Variants in AKT3 observed in about 807,000 individuals in gnomAD.
AKT3 encodes the protein AKT serine/threonine kinase 3, also known as RAC-gamma serine/threonine-protein kinase.
In AKT3, 15 loss-of-function variants were observed where a neutral mutation model predicts 65.3. The ratio of observed to expected loss-of-function variants is 0.23; its 90% CI spans 0.15 to 0.35. The LOEUF (loss-of-function observed/expected upper bound fraction) is 0.35. Ranked by LOEUF, AKT3 falls within the 10% of genes least tolerant of loss-of-function variation. AKT3 has a pLI of 1.00. For synonymous variants in AKT3, 206 were observed against 183.8 expected, an observed-to-expected ratio of 1.12 and a Z score of -0.98; for missense variants, 243 against 576.5, an observed-to-expected ratio of 0.42 and a Z score of 5.92.
chr1:243,612,074 G>T (rs1677911720), intron 8 of AKT3, among the ~76,000 whole-genome samples: 1 of 151,636 alleles, frequency 6.6e-6, no homozygotes, highest in Non-Finnish European at 1.5e-5. Context: ...CTCAAAATGT[G>T]TTTACCAAAT....
At chr1:243,728,539 T>A (rs1370560215) in intron 2 of AKT3, among the ~76,000 whole-genome samples, 1 of 152,188 alleles carries the variant, frequency 6.6e-6, no homozygotes, top group Non-Finnish European at 1.5e-5. Context: ...CAATTGTGAA[T>A]TTAGATCATA....
At chr1:243,559,477 T>C (rs1673623880) in intron 10 of AKT3, among the ~76,000 whole-genome samples, 1 of 152,178 alleles carries the variant, frequency 6.6e-6, no homozygotes, top group Non-Finnish European at 1.5e-5. Context: ...ATATTTATAC[T>C]GTAAGTTTTA....
chr1:243,643,140 GATC>G (rs2147835961), intron 5 of AKT3, among the ~76,000 whole-genome samples: 1 of 152,276 alleles, frequency 6.6e-6, no homozygotes. Flanking sequence ...TGCAGTGTGA[GATC>G]ATGAGATTTC....
chr1:243,715,966 A>G (rs1438971308), intron 2 of AKT3, among the ~76,000 whole-genome samples: 1 of 152,136 alleles, frequency 6.6e-6, no homozygotes, highest in East Asian at 1.9e-4. Context: ...TTGTTACACC[A>G]TTTGATCAAA....
intron 8 of AKT3, among the ~76,000 whole-genome samples, chr1:243,576,963 C>T (rs530463769): frequency 5.9e-5 from 9 of 152,310 alleles, no homozygotes; most frequent in African/African-American, 1.9e-4. Flanking sequence ...ATCACACTAC[C>T]TGACTTCAAA....
Position 243,805,916 on chromosome 1 carries a change from C to T in AKT3, c.46+37209G>A, listed in dbSNP as rs534057814. On this transcript the variant is annotated intron_variant, in intron 2 of 13. Transcript: ENST00000673466. ...TCCAATATAAGGCAAAATTACAACA[C>T]ACATACAAAAGGGTGAATAACCATT... Among the ~76,000 whole-genome samples the T allele has an allele frequency of 9.8e-5, 15 of 152,298 alleles. No homozygotes were observed. The South Asian group carries it at 1.7e-3, about 17-fold the overall frequency.
downstream of AKT3, among the ~76,000 whole-genome samples, chr1:243,498,073 C>T (rs964446307): frequency 1.3e-5 from 2 of 152,204 alleles, no homozygotes; most frequent in Non-Finnish European, 2.9e-5. Flanking sequence ...GCCACTGTGT[C>T]AAGAGCGAGG....
At chr1:243,595,711 C>T (rs1361434122) in intron 8 of AKT3, among the ~76,000 whole-genome samples, 1 of 152,186 alleles carries the variant, frequency 6.6e-6, no homozygotes, top group Non-Finnish European at 1.5e-5. Flanking sequence ...TCCACCTCCA[C>T]ATCCTGTCCC....
At chr1:243,512,833 T>C (rs1205901631) in intron 12 of AKT3, among the ~76,000 whole-genome samples, 3 of 152,158 alleles carry the variant, frequency 2.0e-5, no homozygotes, top group Admixed American at 2.0e-4. Flanking sequence ...AAAATACAAC[T>C]TAATAATACA....
At chr1:243,600,184 T>C (rs1012818132) in intron 8 of AKT3, among the ~76,000 whole-genome samples, 1 of 152,078 alleles carries the variant, frequency 6.6e-6, no homozygotes, top group Non-Finnish European at 1.5e-5. Flanking sequence ...GGAAAACATA[T>C]ACCATATTTA....
At chr1:243,699,707 T>G (rs1685321866) in intron 2 of AKT3, among the ~76,000 whole-genome samples, 1 of 151,878 alleles carries the variant, frequency 6.6e-6, no homozygotes, top group African/African-American at 2.4e-5. Context: ...CTGTGAATAT[T>G]ACCTTATGGT....
At chr1:243,620,852 CCAT>C (rs1243807415) in intron 6 of AKT3, among the ~76,000 whole-genome samples, 1 of 152,138 alleles carries the variant, frequency 6.6e-6, no homozygotes, top group Non-Finnish European at 1.5e-5. Flanking sequence ...CCTTTGACTT[CCAT>C]CATGATATAA....
At chr1:243,851,027 G>C (rs1016076616), upstream of AKT3, 2 of 152,270 alleles carry the variant, frequency 1.3e-5, no homozygotes, top group Admixed American at 6.5e-5. Flanking sequence ...TGGGGAGATG[G>C]GCCCGGCGCG....
chr1:243,695,518 C>T, intron 3 of AKT3, 73 bp downstream of exon 3: 1 of 1,387,824 alleles, frequency 7.2e-7, no homozygotes, highest in Middle Eastern at 2.3e-4. Flanking sequence ...TCTCATATAG[C>T]CTAAGATATC....
intron 6 of AKT3, among the ~76,000 whole-genome samples, chr1:243,626,796 T>C (rs1372016399): frequency 2.0e-5 from 3 of 152,194 alleles, no homozygotes; most frequent in Non-Finnish European, 4.4e-5. Flanking sequence ...ATTAGTATGT[T>C]TGAATGAATC....
rs1669454186 is a variant in AKT3 at position 243,503,355 on chromosome 1, C to T, written c.*1894G>A. 1 of 233,426 alleles carries T rather than the reference C, an allele frequency of 4.3e-6. No individual in the cohort carries two copies. The highest frequency in any genetic ancestry group is 5.6e-5 in the Admixed American group (1 of 17,772). The allele number at this position is 233,426 out of a possible 1,614,324, so 14.5% of individuals were successfully genotyped here. On this transcript the variant is annotated 3_prime_UTR_variant, in exon 14 of 14. Transcript: ENST00000673466. ...CAGCGTCAAGAGGCTAAGACATCTG[C>T]ATATGAATATGATTCATCCTACTTA...
intron 2 of AKT3, among the ~76,000 whole-genome samples, chr1:243,697,516 A>G (rs976061156): frequency 6.6e-6 from 1 of 152,108 alleles, no homozygotes; most frequent in Non-Finnish European, 1.5e-5. Context: ...ACTTTTAACA[A>G]TGAACTTTCT....
chr1:243,773,035 T>G (rs1236886441), intron 2 of AKT3, among the ~76,000 whole-genome samples: 6 of 70,770 alleles, frequency 8.5e-5, no homozygotes, highest in Admixed American at 2.1e-4. Flanking sequence ...CAGGGGCTGT[T>G]GTGGGGTGGG....
intron 12 of AKT3, among the ~76,000 whole-genome samples, chr1:243,544,200 G>C (rs1270185457): frequency 1.6e-5 from 2 of 123,370 alleles, no homozygotes; most frequent in South Asian, 5.6e-4. Context: ...GAAAATCAAA[G>C]TATCAAAATC....
Sources: allele counts gnomAD v4.1 joint callset (sites outside exome capture counted in the v4.1 genomes callset), GRCh38; gene constraint gnomAD v4.1.1; transcripts MANE v1.5; gene names NCBI Gene and HGNC (gene_info 2026-07-23, HGNC 2026-07-21).